IQCM: variants seen among roughly 807,000 people sequenced by gnomAD.
IQCM encodes IQ motif containing M.
Under a neutral mutation model 57.6 loss-of-function variants are expected in IQCM, and 45 were observed. The ratio of observed to expected loss-of-function variants is 0.78; its 90% confidence interval spans 0.62 to 1.00. IQCM has a LOEUF of 1.00. Ranked by LOEUF, IQCM falls within the 50% of genes least tolerant of loss-of-function variation. The pLI is 0.00. For synonymous variants in IQCM, 148 were observed against 158.9 expected (o/e 0.93, Z 0.51); for missense variants, 468 against 511.6 (o/e 0.91, Z 0.82).
At chr4:149,380,194 G>A (rs1008977878) in intron 13 of IQCM, among the ~76,000 whole-genome samples, 4 of 151,980 alleles carry the variant, frequency 2.6e-5, no homozygotes, top group African/African-American at 9.7e-5. Context: ...CCAGGACTAA[G>A]AAGATCATGC....
At chr4:149,709,251 T>C (rs963730114) in intron 5 of IQCM, among the ~76,000 whole-genome samples, 1 of 152,142 alleles carries the variant, frequency 6.6e-6, no homozygotes, top group African/African-American at 2.4e-5. Context: ...AAATGTATCA[T>C]ACTAAGCGTT....
chr4:149,687,314 A>G (rs566034907), intron 5 of IQCM, among the ~76,000 whole-genome samples: 10 of 151,754 alleles, frequency 6.6e-5, no homozygotes, highest in African/African-American at 2.4e-4. Context: ...GAATATCAAT[A>G]TTGATTAACT....
At chr4:149,520,773 C>A (rs531670925) in intron 12 of IQCM, among the ~76,000 whole-genome samples, 2 of 152,208 alleles carry the variant, frequency 1.3e-5, no homozygotes, top group South Asian at 4.2e-4. Flanking sequence ...CAAAGTCTTT[C>A]CCAGTTATGT....
chr4:149,407,559 C>T (rs929202450), intron 13 of IQCM, among the ~76,000 whole-genome samples: 42 of 151,682 alleles, frequency 2.8e-4, no homozygotes, highest in African/African-American at 8.5e-4. Flanking sequence ...AAAGTGGAAA[C>T]GGATTTTTTT....
intron 5 of IQCM, among the ~76,000 whole-genome samples, chr4:149,707,339 A>G (rs1561181798): frequency 6.6e-6 from 1 of 152,052 alleles, no homozygotes; most frequent in Non-Finnish European, 1.5e-5. Context: ...CTGCAAATAT[A>G]TGTGTATAGT....
intron 13 of IQCM, among the ~76,000 whole-genome samples, chr4:149,385,091 T>A (rs1474216679): frequency 6.6e-6 from 1 of 152,124 alleles, no homozygotes; most frequent in African/African-American, 2.4e-5. Context: ...CCTAAAGGAC[T>A]GTTTTAGAAA....
intron 13 of IQCM, among the ~76,000 whole-genome samples, chr4:149,356,750 A>G (rs959931846): frequency 1.3e-5 from 2 of 152,088 alleles, no homozygotes; most frequent in Non-Finnish European, 2.9e-5. Flanking sequence ...TTCCATATGA[A>G]CTTTAAAGTA....
chr4:149,482,828 T>C (rs1741060596), intron 12 of IQCM, among the ~76,000 whole-genome samples: 1 of 151,652 alleles, frequency 6.6e-6, no homozygotes, highest in African/African-American at 2.4e-5. Context: ...TTATTTTTCA[T>C]AACAGTTTGA....
chr4:149,809,964 G>A (rs1293076160), intron 2 of IQCM, among the ~76,000 whole-genome samples: 1 of 152,114 alleles, frequency 6.6e-6, no homozygotes, highest in Admixed American at 6.5e-5. Context: ...AATACCGAGT[G>A]TCTGATTAGC....
Position 149,508,796 on chromosome 4 carries a change from T to G in IQCM, c.1228+39659A>C, listed in dbSNP as rs562053747. Among the ~76,000 whole-genome samples, 19 of 152,100 alleles carry G rather than the reference T, an allele frequency of 1.2e-4. No homozygotes were observed. The South Asian group carries it at 3.7e-3, about 30-fold the overall frequency. The stretch of plus-strand genomic sequence containing the variant: ...CATGAGATTTAGGCAGGGCCAGGGG[T>G]GGAATGATATGGTTTGGCTGTGTCC... On this transcript the variant is annotated intron_variant, in intron 12 of 13. Transcript: ENST00000636793.
At chr4:149,534,630 A>G (rs1041374266) in intron 12 of IQCM, among the ~76,000 whole-genome samples, 3 of 152,156 alleles carry the variant, frequency 2.0e-5, no homozygotes, top group African/African-American at 7.2e-5. Flanking sequence ...CAACAGTTTT[A>G]TGGTAGGAAC....
chr4:149,770,628 T>C (rs945257725), intron 2 of IQCM, among the ~76,000 whole-genome samples: 7 of 152,154 alleles, frequency 4.6e-5, no homozygotes, highest in East Asian at 3.9e-4. Flanking sequence ...CAATAAAATA[T>C]AATGAATGTA....
intron 2 of IQCM, among the ~76,000 whole-genome samples, chr4:149,774,500 C>T (rs778248289): frequency 7.2e-5 from 11 of 151,880 alleles, no homozygotes; most frequent in Non-Finnish European, 1.3e-4. Context: ...TGGTGCCCTG[C>T]ATTTGCATAT....
rs182481921 is a variant in IQCM at position 149,807,273 on chromosome 4, C to T, written c.-49+8038G>A. On this transcript the variant is annotated intron_variant, in intron 2 of 13. Transcript: ENST00000636793. ...ATTTCAAATTATTCTAAAAAAGCTA[C>T]GGTAATCAAAACACCATGGTACTGA... Among the ~76,000 whole-genome samples, 29 of 151,938 alleles carry T rather than the reference C, an allele frequency of 1.9e-4. 1 individual carries two copies. Among genetic ancestry groups the T allele is most frequent in the South Asian group, 6.2e-4 (3 of 4,824 alleles).
chr4:149,765,869 G>GA (rs1227166535), intron 2 of IQCM, among the ~76,000 whole-genome samples: 1 of 151,864 alleles, frequency 6.6e-6, no homozygotes, highest in Non-Finnish European at 1.5e-5. Flanking sequence ...CCAAGGAACT[G>GA]ATTCAACCAG....
At chr4:149,449,369 T>C (rs564789038) in intron 12 of IQCM, among the ~76,000 whole-genome samples, 2 of 145,694 alleles carry the variant, frequency 1.4e-5, no homozygotes, top group East Asian at 2.0e-4. Flanking sequence ...ATATACATTA[T>C]ATTATATATT....
chr4:149,530,806 C>A (rs78913667), intron 12 of IQCM, among the ~76,000 whole-genome samples: 2 of 33,540 alleles, frequency 6.0e-5, no homozygotes, highest in Non-Finnish European at 1.7e-4. Context: ...CCCCCCCACC[C>A]CCCCCCCACA....
At chr4:149,690,468 GC>G (rs1380303045) in intron 5 of IQCM, among the ~76,000 whole-genome samples, 2 of 152,012 alleles carry the variant, frequency 1.3e-5, no homozygotes, top group Non-Finnish European at 2.9e-5. Flanking sequence ...CAAATAGGGT[GC>G]AGCATGTACT....
At chr4:149,541,851 T>C (rs1354721429) in intron 12 of IQCM, among the ~76,000 whole-genome samples, 1 of 152,100 alleles carries the variant, frequency 6.6e-6, no homozygotes, top group Admixed American at 6.6e-5. Flanking sequence ...AGTTAATCAA[T>C]TGAATTAGTT....
Sources: allele counts gnomAD v4.1 joint callset (sites outside exome capture counted in the v4.1 genomes callset), GRCh38; gene constraint gnomAD v4.1.1; transcripts MANE v1.5; gene names NCBI Gene and HGNC (gene_info 2026-07-23, HGNC 2026-07-21).